Variants in EMSY observed in about 807,000 individuals in gnomAD.
The protein encoded by EMSY is EMSY transcriptional repressor, BRCA2 interacting.
EMSY carries 26 observed loss-of-function variants against 134.6 expected under a neutral mutation model. The ratio of observed to expected loss-of-function variants is 0.19; its 90% confidence interval spans 0.14 to 0.27. The LOEUF (loss-of-function observed/expected upper bound fraction) is 0.27. EMSY is among the 10% of genes least tolerant of loss of function. The pLI is 1.00. For missense variants in EMSY, 1,305 were observed against 1,611.4 expected (o/e 0.81, Z 3.26); for synonymous variants, 579 against 577.8 (o/e 1.00, Z -0.03).
intron 4 of EMSY, among the ~76,000 whole-genome samples, chr11:76,457,392 A>G (rs180703279): frequency 1.3e-5 from 2 of 152,274 alleles, no homozygotes; most frequent in African/African-American, 2.4e-5. Flanking sequence ...TGATACAACT[A>G]CGTTTTGATA....
At chr11:76,468,892 TAGA>T (rs780898746) in intron 7 of EMSY, among the ~76,000 whole-genome samples, 7 of 152,194 alleles carry the variant, frequency 4.6e-5, no homozygotes, top group Non-Finnish European at 1.0e-4. Flanking sequence ...TTGTGAGTGC[TAGA>T]AGGTCAGTAA....
intron 1 of EMSY, among the ~76,000 whole-genome samples, chr11:76,445,409 G>T (rs572349824): frequency 7.0e-4 from 107 of 152,306 alleles, no homozygotes; most frequent in African/African-American, 2.5e-3. Context: ...CCGCTGGGGA[G>T]GGAGTGAGGC....
At chr11:76,515,440 AGT>A (rs1950418081) in intron 10 of EMSY, among the ~76,000 whole-genome samples, 1 of 152,154 alleles carries the variant, frequency 6.6e-6, no homozygotes, top group Non-Finnish European at 1.5e-5. Context: ...AAAAGAAAAA[AGT>A]GTTAGAAATA....
rs1950442220 is a variant in EMSY, at chr11:76,516,136, C to T, written c.1514-6C>T. ...AGTTTTTCTTTTGGCTTTTCCCTTT[C>T]TGTAGGCACACAAGCAACCTATACC... On this transcript the variant is annotated splice_polypyrimidine_tract_variant and splice_region_variant and intron_variant, in intron 10 of 20. Coordinates refer to ENST00000334736, the Ensembl canonical transcript of EMSY. 6.2e-7 allele frequency: 1 copy of T among 1,608,008 alleles called. No homozygotes were observed. The highest frequency in any genetic ancestry group is 2.2e-5 in the East Asian group (1 of 44,794).
intron 4 of EMSY, among the ~76,000 whole-genome samples, chr11:76,457,736 T>C (rs1947933302): frequency 2.6e-5 from 4 of 152,226 alleles, no homozygotes; most frequent in Admixed American, 2.6e-4. Context: ...GGCAGTTAGA[T>C]AATTTTCAAA....
intron 9 of EMSY, among the ~76,000 whole-genome samples, chr11:76,505,961 C>T (rs997514791): frequency 3.9e-5 from 6 of 151,944 alleles, no homozygotes; most frequent in South Asian, 2.1e-4. Context: ...GCCAGGTGTT[C>T]GACACCAGTC....
intron 7 of EMSY, among the ~76,000 whole-genome samples, chr11:76,471,055 G>A (rs1695901078): frequency 6.6e-6 from 1 of 152,174 alleles, no homozygotes; most frequent in South Asian, 2.1e-4. Flanking sequence ...CCTTTGCAGT[G>A]TATTCAGAAT....
intron 12 of EMSY, among the ~76,000 whole-genome samples, chr11:76,525,508 A>C (rs182505210): frequency 1.1e-4 from 16 of 152,210 alleles, no homozygotes; most frequent in African/African-American, 3.9e-4. Flanking sequence ...AAAATTCTCA[A>C]ATCTTTTCAT....
chr11:76,510,408 C>T (rs74359296), intron 9 of EMSY, among the ~76,000 whole-genome samples: 1 of 152,180 alleles, frequency 6.6e-6, no homozygotes, highest in East Asian at 1.9e-4. Flanking sequence ...GCCATTGATA[C>T]AGACCTTAGA....
chr11:76,504,288 TTA>T (rs1388507989), intron 9 of EMSY, among the ~76,000 whole-genome samples: 1 of 149,216 alleles, frequency 6.7e-6, no homozygotes, highest in Non-Finnish European at 1.5e-5. Flanking sequence ...ATATGAGTTT[TTA>T]TATATATATA....
chr11:76,532,660 G>C (rs1951086295), intron 14 of EMSY, among the ~76,000 whole-genome samples: 1 of 152,052 alleles, frequency 6.6e-6, no homozygotes, highest in Non-Finnish European at 1.5e-5. Context: ...TTTCCAAAAG[G>C]TTTTAAGGTG....
intron 14 of EMSY, among the ~76,000 whole-genome samples, chr11:76,530,744 G>T (rs762587196): frequency 6.6e-6 from 1 of 152,040 alleles, no homozygotes; most frequent in Non-Finnish European, 1.5e-5. Flanking sequence ...ACAAAGACTA[G>T]GTCTGGGAAT....
chr11:76,491,866 C>T (rs1949439245), intron 8 of EMSY, among the ~76,000 whole-genome samples: 1 of 152,366 alleles, frequency 6.6e-6, no homozygotes, highest in East Asian at 1.9e-4. Context: ...GCTGTCCATC[C>T]TGCTTTATAC....
chr11:76,458,600 A>T (rs3814711), intron 5 of EMSY: 1 of 322,426 alleles, frequency 3.1e-6, no homozygotes, highest in Non-Finnish European at 5.6e-6. Context: ...ACCTCGGAAT[A>T]GATTTTTGAT....
chr11:76,513,286 A>G, intron 9 of EMSY, 100 bp from the exon 11 acceptor site: 1 of 1,111,612 alleles, frequency 9.0e-7, no homozygotes. Flanking sequence ...TCTTTAGACA[A>G]GACTGAGTAA....
intron 8 of EMSY, among the ~76,000 whole-genome samples, chr11:76,494,647 TTCCCTTCCTTCCTTCC>T (rs1949554930): frequency 3.0e-5 from 4 of 135,292 alleles, no homozygotes; most frequent in Non-Finnish European, 4.8e-5. Context: ...CTCCTTTCCT[TTCCCTTCCTTCCTTCC>T]TTCCTTCCTT....
intron 4 of EMSY, among the ~76,000 whole-genome samples, chr11:76,455,711 C>T (rs1274285752): frequency 1.3e-5 from 2 of 152,102 alleles, no homozygotes; most frequent in Admixed American, 6.5e-5. Context: ...AAACATAACA[C>T]GTGTTTATTG....
intron 8 of EMSY, among the ~76,000 whole-genome samples, chr11:76,489,608 CT>C (rs58914353): frequency 5.9e-4 from 83 of 141,520 alleles, no homozygotes; most frequent in Admixed American, 9.1e-4. Context: ...CTTGATGTAT[CT>C]TTTTTTTTTT....
intron 8 of EMSY, among the ~76,000 whole-genome samples, chr11:76,487,797 C>T (rs112769268): frequency 0.012 from 1,877 of 152,334 alleles, 30 homozygotes; most frequent in African/African-American, 0.041. Context: ...CTCGTTATGC[C>T]TATGGAGATA....
Sources: gnomAD v4.1 joint callset for allele counts (sites outside exome capture counted in the v4.1 genomes callset) on GRCh38, gnomAD v4.1.1 for gene constraint, MANE v1.5 for transcripts, NCBI Gene and HGNC (gene_info 2026-07-23, HGNC 2026-07-21) for gene names.